Variants in FUT8 observed in about 807,000 individuals in gnomAD.
The protein encoded by FUT8 is alpha-(1,6)-fucosyltransferase.
FUT8 carries 29 observed loss-of-function variants against 71.3 expected under a neutral mutation model. The ratio of observed to expected loss-of-function variants is 0.41; its 90% CI spans 0.30 to 0.55. FUT8 has a LOEUF of 0.55. Ranked by LOEUF, FUT8 falls within the 20% of genes least tolerant of loss-of-function variation. The pLI is 0.34. For missense variants in FUT8, 544 were observed against 702.1 expected (o/e 0.77, Z 2.55); for synonymous variants, 254 against 239.3 (o/e 1.06, Z -0.57).
rs958262848 is a variant in FUT8 at position 65,489,565 on chromosome 14, A to T, written c.-228+33847A>T. On this transcript the variant is annotated intron_variant, in intron 2 of 10. Transcript: ENST00000673929. This position sits in a 1 kb window ranked among gnomAD's most constrained non-coding sequence, Gnocchi z 4.0. ...AGTTCTATAGATTTGTGATTAAAAA[A>T]ATAGTTCCCTATTTGAATAATTGTC... Among the ~76,000 whole-genome samples, 5 of 152,164 alleles carry T rather than the reference A, an allele frequency of 3.3e-5. No homozygotes were observed. The highest frequency in any genetic ancestry group is 2.0e-4 in the Admixed American group (3 of 15,278).
chr14:65,659,002 C>T (rs578001322), intron 6 of FUT8, among the ~76,000 whole-genome samples: 26 of 151,932 alleles, frequency 1.7e-4, no homozygotes, highest in African/African-American at 5.8e-4. Context: ...TTGGAAGGTA[C>T]GCTGTAAGTA....
chr14:65,589,162 CTTCT>C (rs1419158549), intron 3 of FUT8, among the ~76,000 whole-genome samples: 1 of 152,154 alleles, frequency 6.6e-6, no homozygotes, highest in Non-Finnish European at 1.5e-5. Context: ...ATGGGTACTG[CTTCT>C]TTGTTTTTAC....
the FUT8 span, among the ~76,000 whole-genome samples, chr14:65,390,101 A>C: frequency 4.0e-5 from 6 of 151,212 alleles, no homozygotes; most frequent in African/African-American, 1.5e-4. Context: ...ACGATCACAC[A>C]CACCACTGCA....
At chr14:65,469,851 A>G (rs573746490) in intron 2 of FUT8, among the ~76,000 whole-genome samples, 8 of 152,226 alleles carry the variant, frequency 5.3e-5, no homozygotes, top group African/African-American at 1.4e-4. Context: ...GTGGGGAGGA[A>G]GTGTGTCAAT....
At chr14:65,732,843 T>G (rs1896041693) in intron 9 of FUT8, among the ~76,000 whole-genome samples, 3 of 152,164 alleles carry the variant, frequency 2.0e-5, no homozygotes, top group Admixed American at 6.5e-5. Context: ...ATTAAAAATT[T>G]TAATGAGGTT....
At chr14:65,504,252 T>A (rs909053879) in intron 2 of FUT8, among the ~76,000 whole-genome samples, 1 of 152,240 alleles carries the variant, frequency 6.6e-6, no homozygotes, top group Non-Finnish European at 1.5e-5. Flanking sequence ...CATTTGGTGA[T>A]CAGGAATTGT....
chr14:65,506,241 G>T (rs1401976051), intron 2 of FUT8, among the ~76,000 whole-genome samples: 2 of 152,126 alleles, frequency 1.3e-5, no homozygotes, highest in Non-Finnish European at 2.9e-5. Context: ...GGTTAAGTAG[G>T]TTAAAAGTCA....
chr14:65,632,653 C>G (rs140453697), intron 6 of FUT8, among the ~76,000 whole-genome samples: 145 of 152,238 alleles, frequency 9.5e-4, no homozygotes, highest in African/African-American at 1.3e-3. Context: ...AGATTTTCTC[C>G]TGCTCTGTGG....
intron 3 of FUT8, among the ~76,000 whole-genome samples, chr14:65,573,123 G>T (rs1886575853): frequency 6.6e-6 from 1 of 152,000 alleles, no homozygotes; most frequent in South Asian, 2.1e-4. Flanking sequence ...CAGTGGGGAG[G>T]GATAGAGCTG....
At chr14:65,532,598 T>A (rs1179247278) in intron 2 of FUT8, among the ~76,000 whole-genome samples, 1 of 152,156 alleles carries the variant, frequency 6.6e-6, no homozygotes, top group Non-Finnish European at 1.5e-5. Context: ...TTGTTTGTTT[T>A]CTCTGTCGAT....
intron 7 of FUT8, among the ~76,000 whole-genome samples, chr14:65,695,847 T>C (rs752691533): frequency 2.0e-5 from 3 of 152,156 alleles, no homozygotes; most frequent in Non-Finnish European, 2.9e-5. Flanking sequence ...CCTTCTCTGG[T>C]TTTAATGGGT....
At chr14:65,408,802 AGTTT>A (rs901749602), upstream of FUT8, among the ~76,000 whole-genome samples, 2 of 152,182 alleles carry the variant, frequency 1.3e-5, no homozygotes, top group African/African-American at 4.8e-5. Flanking sequence ...GTAGGTATAG[AGTTT>A]GTTTAAGGAG....
intron 6 of FUT8, among the ~76,000 whole-genome samples, chr14:65,655,322 A>C (rs1377508825): frequency 6.6e-6 from 1 of 151,596 alleles, no homozygotes; most frequent in Non-Finnish European, 1.5e-5. Flanking sequence ...AAATACAAAA[A>C]CAAAATTAGC....
At chr14:65,446,676 G>A (rs1422795563) in intron 1 of FUT8, among the ~76,000 whole-genome samples, 1 of 68,704 alleles carries the variant, frequency 1.5e-5, no homozygotes, top group Non-Finnish European at 2.9e-5. Context: ...GATGTTTTAG[G>A]GCTTTTTTTT....
chr14:65,681,569 T>C (rs560572846), intron 7 of FUT8, among the ~76,000 whole-genome samples: 1 of 152,300 alleles, frequency 6.6e-6, no homozygotes, highest in Admixed American at 6.5e-5. Context: ...GAAAATAACT[T>C]AGTTAAAAAA....
In FUT8 at chr14:65,467,805, T is replaced by C; in HGVS notation, c.-228+12087T>C. On this transcript the variant is annotated intron_variant, in intron 2 of 10. Coordinates refer to ENST00000673929, the MANE Select transcript of FUT8 (RefSeq NM_001371533.1). The surrounding 1 kb of genome is among the most constrained non-coding windows in gnomAD (Gnocchi z 4.1). ...GAGGTCTTTTATTTTTTTTAACACCTGTTATGCTATGAATTCACAGGGAAT... is the reference window on the plus strand; with the variant it reads ...GAGGTCTTTTATTTTTTTTAACACCCGTTATGCTATGAATTCACAGGGAAT... The C allele has an allele frequency of 1.4e-6, 1 of 732,614 alleles. No homozygotes were observed. Among genetic ancestry groups the C allele is most frequent in the South Asian group, 1.4e-5 (1 of 73,472 alleles). The allele number at this position is 732,614 out of a possible 1,614,324, so 45.4% of individuals were successfully genotyped here.
At chr14:65,694,734 T>G (rs1020388216) in intron 7 of FUT8, among the ~76,000 whole-genome samples, 5 of 152,072 alleles carry the variant, frequency 3.3e-5, no homozygotes, top group South Asian at 2.1e-4. Context: ...TGAGTTCATG[T>G]CCTTTGTAGG....
At chr14:65,575,326 GATTATTTTGAACTT>G (rs1192153567) in intron 3 of FUT8, among the ~76,000 whole-genome samples, 1 of 151,580 alleles carries the variant, frequency 6.6e-6, no homozygotes, top group Non-Finnish European at 1.5e-5. Flanking sequence ...TGTACTCAGG[GATTATTTTGAACTT>G]GCCTTTAATT....
intron 6 of FUT8, among the ~76,000 whole-genome samples, chr14:65,645,244 C>G (rs146799333): frequency 2.6e-5 from 4 of 152,158 alleles, no homozygotes; most frequent in Non-Finnish European, 4.4e-5. Flanking sequence ...AAAAGAACTC[C>G]TAACAAGTTA....
Sources: allele counts gnomAD v4.1 joint callset (sites outside exome capture counted in the v4.1 genomes callset), GRCh38; gene constraint gnomAD v4.1.1; non-coding constraint Gnocchi (gnomAD v3.1); transcripts MANE v1.5; gene names NCBI Gene and HGNC (gene_info 2026-07-23, HGNC 2026-07-21).